Variants in MDGA2 observed in about 807,000 individuals in gnomAD.
The protein encoded by MDGA2 is MAM domain-containing glycosylphosphatidylinositol anchor protein 2.
A neutral mutation model predicts 117.8 loss-of-function variants in MDGA2; 40 were observed. That is an observed-to-expected ratio of 0.34 (90% confidence interval 0.26 to 0.44). MDGA2 has a LOEUF of 0.44. Among genes scored for constraint, MDGA2 ranks in the 20% least tolerant of loss-of-function variants. The pLI is 1.00. For synonymous variants in MDGA2, 452 were observed against 439.0 expected, an observed-to-expected ratio of 1.03 and a Z score of -0.37; for missense variants, 1,123 against 1,250.6, an observed-to-expected ratio of 0.90 and a Z score of 1.54.
At chr14:47,492,162 G>T (rs1251081982) in intron 1 of MDGA2, among the ~76,000 whole-genome samples, 3 of 151,996 alleles carry the variant, frequency 2.0e-5, no homozygotes. Flanking sequence ...TTGTGCATTT[G>T]CTTACAACTT....
intron 1 of MDGA2, among the ~76,000 whole-genome samples, chr14:47,561,152 T>TTTTG (rs770132333): frequency 0.032 from 2,749 of 85,010 alleles, 327 homozygotes; most frequent in East Asian, 0.25. Flanking sequence ...TTTTTTTTTT[T>TTTTG]GTTTTGTTTT....
At chr14:47,241,512 T>TA (rs1331270352) in intron 2 of MDGA2, among the ~76,000 whole-genome samples, 1 of 151,980 alleles carries the variant, frequency 6.6e-6, no homozygotes, top group Non-Finnish European at 1.5e-5. Flanking sequence ...AAAAATTTGT[T>TA]AATTTTAGAA....
At chr14:47,410,230 A>G (rs4900757) in intron 1 of MDGA2, among the ~76,000 whole-genome samples, 150,002 of 152,226 alleles carry the variant, frequency 0.99, 73,945 homozygotes, top group East Asian at 1. Context: ...TTAACCTGGA[A>G]TGAGCCTTGT....
rs2138713533 is a variant in MDGA2 at position 47,048,847 on chromosome 14, G to A, written c.1525+12402C>T. ...AGGCCTTATTAACAAATATTCTACT[G>A]AAGCATGATTGCATTCTACAAACCA... On this transcript the variant is annotated intron_variant, in intron 7 of 16. Coordinates refer to ENST00000399232, the MANE Select transcript of MDGA2 (RefSeq NM_001113498.3). Among the ~76,000 whole-genome samples, 2 of 152,120 alleles carry A rather than the reference G, an allele frequency of 1.3e-5. 1 individual carries two copies. The highest frequency in any genetic ancestry group is 2.9e-5 in the Non-Finnish European group (2 of 67,948).
chr14:46,929,642 TATATACA>T (rs1219409068), intron 9 of MDGA2, among the ~76,000 whole-genome samples: 601 of 46,496 alleles, frequency 0.013, 118 homozygotes, highest in Non-Finnish European at 0.018. Context: ...TATATATATA[TATATACA>T]TTTTTTTTTT....
rs367624329 is a variant in MDGA2, at chr14:46,985,280, T to C, written c.1820-27637A>G. Among the ~76,000 whole-genome samples, 19 of 152,176 alleles carry C rather than the reference T, an allele frequency of 1.2e-4. No individual in the cohort carries two copies. The South Asian group carries it at 3.9e-3, about 32-fold the overall frequency. ...GTGATAAAAATATAAAATAATACCT[T>C]GGCAAGGGATAATCTAGTAGTATCA... On this transcript the variant is annotated intron_variant, in intron 8 of 16. Transcript: ENST00000399232.
Position 47,561,153 on chromosome 14 carries a change from G to GGTTTTTTTTTTTTTTTTTT in MDGA2, c.280+113363_280+113364insAAAAAAAAAAAAAAAAAAC, listed in dbSNP as rs1895797132. ...TACCTCTATCTTTGTTTTTTTTTTT[G>GGTTTTTTTTTTTTTTTTTT]TTTTGTTTTGTTTTTTTGTTTGTTT... On this transcript the variant is annotated intron_variant, in intron 1 of 16. Transcript: ENST00000399232. Among the ~76,000 whole-genome samples, 28 of 63,908 alleles carry GGTTTTTTTTTTTTTTTTTT rather than the reference G, an allele frequency of 4.4e-4. 2 individuals are homozygous for GGTTTTTTTTTTTTTTTTTT. Among genetic ancestry groups the GGTTTTTTTTTTTTTTTTTT allele is most frequent in the East Asian group, 4.3e-3 (3 of 694 alleles). The allele number at this position is 63,908 out of a possible 152,430, so 41.9% of individuals were successfully genotyped here.
chr14:47,266,174 A>T (rs913135644), intron 2 of MDGA2, among the ~76,000 whole-genome samples: 6 of 152,164 alleles, frequency 3.9e-5, no homozygotes, highest in African/African-American at 1.2e-4. Context: ...GCTGGAACCC[A>T]AACCCAGGTC....
rs572010874 is a variant in MDGA2, at chr14:47,655,301, C to T, written c.280+19216G>A. 3.9e-5 allele frequency among the ~76,000 whole-genome samples: 6 copies of T among 152,206 alleles called. No homozygotes were observed. The East Asian group carries it at 9.7e-4, about 24-fold the overall frequency. On this transcript the variant is annotated intron_variant, in intron 1 of 16. Coordinates refer to ENST00000399232, the MANE Select transcript of MDGA2 (RefSeq NM_001113498.3). The stretch of plus-strand genomic sequence containing the variant: ...TATCCATCTCTACCAAGAAGGTGAA[C>T]CAGAAGCAGTTCTCATTCACATGGA...
intron 6 of MDGA2, among the ~76,000 whole-genome samples, chr14:47,091,755 A>G (rs1879669673): frequency 6.6e-6 from 1 of 152,052 alleles, no homozygotes. Flanking sequence ...GACTGGAACT[A>G]ATGTATATCT....
intron 10 of MDGA2, among the ~76,000 whole-genome samples, chr14:46,904,408 T>A (rs1029914181): frequency 1.4e-5 from 2 of 144,170 alleles, no homozygotes; most frequent in Non-Finnish European, 3.0e-5. Flanking sequence ...ATTAAGAAAT[T>A]ATAATTCGTA....
intron 6 of MDGA2, among the ~76,000 whole-genome samples, chr14:47,072,250 G>A (rs971399938): frequency 1.3e-5 from 2 of 151,984 alleles, no homozygotes; most frequent in African/African-American, 4.8e-5. Flanking sequence ...GTAGATAGAA[G>A]AATACATGTG....
chr14:46,972,542 T>C (rs1247132474), intron 8 of MDGA2, among the ~76,000 whole-genome samples: 1 of 152,170 alleles, frequency 6.6e-6, no homozygotes, highest in Non-Finnish European at 1.5e-5. Context: ...GTATTATCAC[T>C]ATCTCCTTTT....
In MDGA2 at chr14:47,131,865, A is replaced by G; in HGVS notation, c.793-19T>C. 2.0e-6 allele frequency: 3 copies of G among 1,538,434 alleles called. No homozygotes were observed. Among genetic ancestry groups the G allele is most frequent in the Non-Finnish European group, 2.7e-6 (3 of 1,128,242 alleles). On this transcript the variant is annotated intron_variant, in intron 4 of 16. Coordinates refer to ENST00000399232, the MANE Select transcript of MDGA2 (RefSeq NM_001113498.3). ...TTTCACCCTGAAAATGTACACAAAA[A>G]ATAAAAGTCATTAGAAAAAGCCAAC...
chr14:47,450,942 G>A (rs1040081777), intron 1 of MDGA2, among the ~76,000 whole-genome samples: 4 of 152,076 alleles, frequency 2.6e-5, no homozygotes, highest in African/African-American at 9.7e-5. Context: ...TGGGGCAGGT[G>A]CTCTCAACTT....
At chr14:46,975,357 T>C (rs1886416284) in intron 8 of MDGA2, among the ~76,000 whole-genome samples, 1 of 152,104 alleles carries the variant, frequency 6.6e-6, no homozygotes, top group African/African-American at 2.4e-5. Flanking sequence ...GTATATCTAA[T>C]TGCAAGCAGA....
chr14:47,468,737 A>C (rs1280830871), intron 1 of MDGA2, among the ~76,000 whole-genome samples: 1 of 152,138 alleles, frequency 6.6e-6, no homozygotes, highest in Admixed American at 6.6e-5. Context: ...TTTTTAAAGT[A>C]TATTTTAGTT....
At chr14:46,992,270 T>TA (rs1171335255) in intron 8 of MDGA2, among the ~76,000 whole-genome samples, 1 of 152,172 alleles carries the variant, frequency 6.6e-6, no homozygotes, top group African/African-American at 2.4e-5. Context: ...TGGAGGTGGC[T>TA]AAATTGTTAA....
chr14:47,540,961 A>C (rs1042152459), intron 1 of MDGA2, among the ~76,000 whole-genome samples: 1 of 152,158 alleles, frequency 6.6e-6, no homozygotes, highest in Non-Finnish European at 1.5e-5. Flanking sequence ...ACTATATTAT[A>C]TTTTATGTCC....
Sources: allele counts gnomAD v4.1 joint callset (sites outside exome capture counted in the v4.1 genomes callset), GRCh38; gene constraint gnomAD v4.1.1; transcripts MANE v1.5; gene names NCBI Gene and HGNC (gene_info 2026-07-23, HGNC 2026-07-21).